The following EIF3J variants were observed in gnomAD, a reference collection of about 807,000 sequenced individuals.
EIF3J encodes eukaryotic translation initiation factor 3, subunit 1 (alpha, 35kD).
In EIF3J, 15 loss-of-function variants were observed where a neutral mutation model predicts 39.0. The ratio of observed to expected loss-of-function variants is 0.38; its 90% CI spans 0.26 to 0.59. The LOEUF (loss-of-function observed/expected upper bound fraction) is 0.59, where lower values mean the gene tolerates loss of function less well. Ranked by LOEUF, EIF3J falls within the 20% of genes least tolerant of loss-of-function variation. The probability of loss-of-function intolerance (pLI) is 0.60; values close to 1 mark genes in which losing one functional copy is unlikely to be tolerated. For missense variants in EIF3J, 226 were observed against 308.6 expected (o/e 0.73, Z 2.00); for synonymous variants, 98 against 112.9 (o/e 0.87, Z 0.84).
At chr15:44,554,206 A>G (rs1191671563) in intron 4 of EIF3J, among the ~76,000 whole-genome samples, 1 of 151,996 alleles carries the variant, frequency 6.6e-6, no homozygotes, top group Non-Finnish European at 1.5e-5. Flanking sequence ...GTGAAACCCC[A>G]TCACTGCTAA....
chr15:44,560,441 T>C (rs2082182398), intron 7 of EIF3J, 119 bp downstream of exon 7: 3 of 891,068 alleles, frequency 3.4e-6, no homozygotes, highest in South Asian at 1.7e-5. Context: ...ACTAATACCA[T>C]TTAAGTTAGA....
intron 5 of EIF3J, among the ~76,000 whole-genome samples, chr15:44,555,485 C>T (rs2140900736): frequency 6.6e-6 from 1 of 152,298 alleles, no homozygotes; most frequent in East Asian, 1.9e-4. Context: ...GAAGTATGAC[C>T]TTATCTGTCA....
At chr15:44,552,453 C>T (rs1183533119) in intron 4 of EIF3J, among the ~76,000 whole-genome samples, 2 of 152,106 alleles carry the variant, frequency 1.3e-5, no homozygotes, top group South Asian at 2.1e-4. Context: ...CCATGTTGGC[C>T]GGGCTGGTCT....
intron 2 of EIF3J, among the ~76,000 whole-genome samples, chr15:44,550,355 T>C (rs1371703749): frequency 6.6e-6 from 1 of 152,112 alleles, no homozygotes; most frequent in Non-Finnish European, 1.5e-5. Flanking sequence ...GCAGTGGCAC[T>C]ATCATAGCTC....
At chr15:44,560,612 C>A in intron 7 of EIF3J, 1 of 373,892 alleles carries the variant, frequency 2.7e-6, no homozygotes, top group Non-Finnish European at 4.8e-6. Flanking sequence ...TCAGTCTTCT[C>A]CCTTCTAAAA....
chr15:44,554,742 C>A, intron 5 of EIF3J, 75 bp downstream of exon 5: 1 of 896,804 alleles, frequency 1.1e-6, no homozygotes, highest in Non-Finnish European at 1.7e-6. Context: ...GAAAACATCT[C>A]CTTTTCTTAA....
At chr15:44,560,930 T>G (rs1318279456) in intron 7 of EIF3J, 88 bp from the exon 8 acceptor site, 88 of 1,524,006 alleles carry the variant, frequency 5.8e-5, no homozygotes, top group Non-Finnish European at 7.7e-5. Flanking sequence ...ACCAAAGGTT[T>G]TTGTGTGTTT....
chr15:44,553,831 T>G (rs1362714117), intron 4 of EIF3J, among the ~76,000 whole-genome samples: 1 of 152,230 alleles, frequency 6.6e-6, no homozygotes, highest in African/African-American at 2.4e-5. Flanking sequence ...TGTAAAAATA[T>G]TATTTAAGAC....
chr15:44,539,495 C>T (rs2081990354), intron 2 of EIF3J, among the ~76,000 whole-genome samples: 1 of 150,784 alleles, frequency 6.6e-6, no homozygotes, highest in African/African-American at 2.4e-5. Context: ...GCAAGCTCCG[C>T]CTCCCAGGTT....
At chr15:44,544,847 C>T (rs2082041114) in intron 2 of EIF3J, among the ~76,000 whole-genome samples, 1 of 151,154 alleles carries the variant, frequency 6.6e-6, no homozygotes, top group African/African-American at 2.4e-5. Context: ...CTACTAAAAA[C>T]ACAAAAATTA....
intron 2 of EIF3J, among the ~76,000 whole-genome samples, chr15:44,541,868 C>T (rs1159253819): frequency 6.6e-6 from 1 of 152,160 alleles, no homozygotes; most frequent in African/African-American, 2.4e-5. Flanking sequence ...AGATTATTTT[C>T]AAGAAAATCT....
At chr15:44,554,329 A>G (rs1247215099) in intron 4 of EIF3J, among the ~76,000 whole-genome samples, 1 of 149,428 alleles carries the variant, frequency 6.7e-6, no homozygotes, top group Non-Finnish European at 1.5e-5. Flanking sequence ...ATGAGCGAAG[A>G]TCATGCCACT....
chr15:44,544,494 C>T (rs1325242505), intron 2 of EIF3J, among the ~76,000 whole-genome samples: 4 of 144,410 alleles, frequency 2.8e-5, no homozygotes, highest in East Asian at 2.2e-4. Flanking sequence ...CACCTGAGGT[C>T]GGGAGTTCAG....
chr15:44,560,285 T>C lies in EIF3J; in HGVS notation c.608T>C (p.Leu203Pro). ...GACTTGAAAAAAATTACCAATTCACTGACTGTGCTTTGCAGTGAAAAACAG... is the reference window on the plus strand; with the variant it reads ...GACTTGAAAAAAATTACCAATTCACCGACTGTGCTTTGCAGTGAAAAACAG... Reference protein sequence around the residue: ...IDDLKKITNSLTVLCSEKQKQ... With the variant: ...IDDLKKITNSPTVLCSEKQKQ... The change falls in exon 7 of 8, where the codon CTG becomes CCG. Residue 203 changes from leucine to proline, a missense_variant. Leu to Pro is a moderately conservative substitution (Grantham distance 98). This residue lies in a region of EIF3J where 83 missense variants were observed against 152.6 expected (regional missense o/e 0.54). Coordinates refer to ENST00000261868, the MANE Select transcript of EIF3J (RefSeq NM_003758.4). The C allele has an allele frequency of 2.5e-6, 4 of 1,611,258 alleles. No individual in the cohort carries two copies. Among genetic ancestry groups the C allele is most frequent in the Non-Finnish European group, 3.4e-6 (4 of 1,179,376 alleles).
chr15:44,558,628 C>G (rs934663228), intron 6 of EIF3J: 2 of 151,842 alleles, frequency 1.3e-5, no homozygotes, highest in East Asian at 3.9e-4. Flanking sequence ...TTAGTAGAGA[C>G]GGGGTTTCAC....
At chr15:44,550,223 CTT>C (rs1257826939) in intron 2 of EIF3J, among the ~76,000 whole-genome samples, 1 of 152,136 alleles carries the variant, frequency 6.6e-6, no homozygotes, top group Non-Finnish European at 1.5e-5. Context: ...ATAAATCTAA[CTT>C]AAGTGATAAA....
At chr15:44,546,779 A>G (rs2082055857) in intron 2 of EIF3J, among the ~76,000 whole-genome samples, 1 of 149,684 alleles carries the variant, frequency 6.7e-6, no homozygotes, top group South Asian at 2.1e-4. Context: ...ATTTAGCTCA[A>G]TGATTGAGTT....
intron 4 of EIF3J, among the ~76,000 whole-genome samples, chr15:44,553,780 C>T (rs1413923574): frequency 6.6e-6 from 1 of 152,054 alleles, no homozygotes; most frequent in East Asian, 1.9e-4. Context: ...CATCTTATTT[C>T]TTAAGGTAAA....
chr15:44,553,491 CAA>C (rs879690186), intron 4 of EIF3J, among the ~76,000 whole-genome samples: 2 of 114,130 alleles, frequency 1.8e-5, no homozygotes, highest in African/African-American at 3.3e-5. Flanking sequence ...GACTCCATCT[CAA>C]AAAAAAAAAA....
Sources: allele counts gnomAD v4.1 joint callset (sites outside exome capture counted in the v4.1 genomes callset), GRCh38; gene constraint gnomAD v4.1.1; regional missense constraint gnomAD v4.1.1; transcripts MANE v1.5; gene names NCBI Gene and HGNC (gene_info 2026-07-23, HGNC 2026-07-21).